The following COBL variants were observed in gnomAD, a reference collection of about 807,000 sequenced individuals.
COBL encodes cordon-bleu WH2 repeat protein.
COBL carries 51 observed loss-of-function variants against 98.8 expected under a neutral mutation model. That is an observed-to-expected ratio of 0.52 (90% CI 0.41 to 0.65). The LOEUF is 0.65. Ranked by LOEUF, COBL falls within the 30% of genes least tolerant of loss-of-function variation. COBL has a pLI of 0.00. For synonymous variants in COBL, 634 were observed against 651.7 expected (o/e 0.97, Z 0.41); for missense variants, 1,617 against 1,617.5 (o/e 1.00, Z 0.01).
intron 1 of COBL, among the ~76,000 whole-genome samples, chr7:51,281,658 A>C (rs1438081698): frequency 1.3e-5 from 2 of 152,152 alleles, no homozygotes; most frequent in Non-Finnish European, 2.9e-5. Flanking sequence ...AAAAAAAAAA[A>C]AACTGTAAAC....
intron 1 of COBL, among the ~76,000 whole-genome samples, chr7:51,291,428 A>AAG (rs1800881769): frequency 6.6e-6 from 1 of 152,234 alleles, no homozygotes; most frequent in Non-Finnish European, 1.5e-5. Context: ...TTAAGGAATT[A>AAG]CTGTCAGGCA....
At chr7:51,133,844 A>G (rs1244048439) in intron 6 of COBL, among the ~76,000 whole-genome samples, 1 of 152,230 alleles carries the variant, frequency 6.6e-6, no homozygotes, top group Non-Finnish European at 1.5e-5. Context: ...AATACTAACT[A>G]TGGTTACAAA....
chr7:51,085,028 C>T, intron 7 of COBL, 138 bp downstream of exon 7: 2 of 1,245,404 alleles, frequency 1.6e-6, no homozygotes, highest in South Asian at 1.4e-5. Context: ...TTCTTTCCAG[C>T]CCTTCTTTCT....
At chr7:51,083,005 T>C (rs1793821311) in intron 7 of COBL, 1 of 1,498,634 alleles carries the variant, frequency 6.7e-7, no homozygotes, top group Non-Finnish European at 9.0e-7. Flanking sequence ...GACATCGCAG[T>C]GCTCAGAGAG....
intron 5 of COBL, among the ~76,000 whole-genome samples, chr7:51,179,211 T>G (rs1021251002): frequency 6.6e-6 from 1 of 152,006 alleles, no homozygotes; most frequent in Non-Finnish European, 1.5e-5. Flanking sequence ...TAAATAAGAG[T>G]GTTTAACTTT....
chr7:51,188,280 TG>T (rs1310803590), intron 4 of COBL, among the ~76,000 whole-genome samples: 1 of 152,236 alleles, frequency 6.6e-6, no homozygotes, highest in Non-Finnish European at 1.5e-5. Flanking sequence ...TCTCCAGCAG[TG>T]GTAGGGCTCA....
At chr7:51,039,238 T>C (rs1257726229) in intron 8 of COBL, among the ~76,000 whole-genome samples, 1 of 152,170 alleles carries the variant, frequency 6.6e-6, no homozygotes, top group African/African-American at 2.4e-5. Context: ...ACCGCCAGAG[T>C]CTGAACATGG....
At chr7:51,241,998 C>T (rs567122173) in intron 1 of COBL, among the ~76,000 whole-genome samples, 10 of 152,308 alleles carry the variant, frequency 6.6e-5, no homozygotes, top group African/African-American at 1.9e-4. Context: ...AGGCTACTCC[C>T]CTTTCCTGCG....
chr7:51,258,780 C>A (rs959800357), intron 1 of COBL, among the ~76,000 whole-genome samples: 2 of 152,132 alleles, frequency 1.3e-5, no homozygotes, highest in Non-Finnish European at 2.9e-5. Context: ...TCTTTAAGTC[C>A]TTTTTGAAAT....
At chr7:51,064,170 G>A (rs1185340641) in intron 7 of COBL, among the ~76,000 whole-genome samples, 4 of 152,208 alleles carry the variant, frequency 2.6e-5, no homozygotes, top group Admixed American at 2.6e-4. Flanking sequence ...ATGGGTGTGT[G>A]GCACTCCCTT....
Position 51,085,267 on chromosome 7 carries a change from T to G in COBL, c.995A>C (p.Lys332Thr). 6.2e-7 allele frequency: 1 copy of G among 1,612,692 alleles called. No homozygotes were observed. The highest frequency in any genetic ancestry group is 2.2e-5 in the East Asian group (1 of 44,858). Residue 332 changes from lysine to threonine, a missense_variant, in exon 7 of 13, where the codon AAG becomes ACG. Coordinates refer to ENST00000265136, the MANE Select transcript of COBL (RefSeq NM_015198.5). Reference sequence around the variant, plus strand: ...TGGAGGGGGAGCTGGCGCTCGCCGCTTCTTCTTCTGTAAATCAATCTGTGA... The same window carrying G: ...TGGAGGGGGAGCTGGCGCTCGCCGCGTCTTCTTCTGTAAATCAATCTGTGA... ...LGSQIDLQKK[K>T]RRAPAPPPPQ...
intron 1 of COBL, among the ~76,000 whole-genome samples, chr7:51,294,939 G>C (rs1349216187): frequency 3.9e-5 from 6 of 152,114 alleles, no homozygotes; most frequent in Admixed American, 2.6e-4. Flanking sequence ...TGCGGGGTAG[G>C]GGCAAGGGGA....
At chr7:51,045,177 C>G (rs568005732) in intron 7 of COBL, among the ~76,000 whole-genome samples, 2 of 152,252 alleles carry the variant, frequency 1.3e-5, no homozygotes, top group Admixed American at 6.5e-5. Flanking sequence ...CATCACTGAA[C>G]AATAAAACCA....
At chr7:51,298,913 T>C (rs571344542) in intron 1 of COBL, among the ~76,000 whole-genome samples, 2 of 152,308 alleles carry the variant, frequency 1.3e-5, no homozygotes, top group East Asian at 1.9e-4. Flanking sequence ...CCCTTTCTCA[T>C]ATCTCAGCTC....
intron 7 of COBL, among the ~76,000 whole-genome samples, chr7:51,082,596 G>A (rs149181156): frequency 7.2e-5 from 11 of 152,320 alleles, no homozygotes; most frequent in African/African-American, 2.6e-4. Flanking sequence ...GAGAAGCAGT[G>A]CTCATGCTTG....
intron 6 of COBL, among the ~76,000 whole-genome samples, chr7:51,102,450 C>A (rs768093544): frequency 7.9e-5 from 12 of 152,186 alleles, no homozygotes; most frequent in Non-Finnish European, 1.8e-4. Flanking sequence ...CCACCAGACA[C>A]AGCCTCACGC....
chr7:51,189,113 G>C (rs778772505), intron 4 of COBL, among the ~76,000 whole-genome samples: 1 of 152,122 alleles, frequency 6.6e-6, no homozygotes, highest in Non-Finnish European at 1.5e-5. Flanking sequence ...TTTTAAAAAA[G>C]ACACTGGATA....
chr7:51,107,252 G>A (rs917412862), intron 6 of COBL, among the ~76,000 whole-genome samples: 3 of 151,784 alleles, frequency 2.0e-5, no homozygotes, highest in African/African-American at 7.3e-5. Flanking sequence ...ACGCCACCAT[G>A]CCCAGCTAAT....
At position 51,166,854 on chromosome 7, in the gene COBL, C is replaced by G. The variant is rs141334698; in HGVS notation, c.783+17248G>C. On this transcript the variant is annotated intron_variant, in intron 5 of 12. Coordinates refer to ENST00000265136, the MANE Select transcript of COBL (RefSeq NM_015198.5). ...CATCAACAGAATGAAGGATAAAAACCATATGATCATTTCAATCGATATTGA... is the reference window on the plus strand; with the variant it reads ...CATCAACAGAATGAAGGATAAAAACGATATGATCATTTCAATCGATATTGA... 9.1e-3 allele frequency among the ~76,000 whole-genome samples: 1,386 copies of G among 152,180 alleles called. 24 individuals are homozygous for G. The highest frequency in any genetic ancestry group is 0.032 in the African/African-American group (1,321 of 41,546).
Sources: allele counts gnomAD v4.1 joint callset (sites outside exome capture counted in the v4.1 genomes callset), GRCh38; gene constraint gnomAD v4.1.1; transcripts MANE v1.5; gene names NCBI Gene and HGNC (gene_info 2026-07-23, HGNC 2026-07-21).